PCDHA5: variants seen among roughly 807,000 people sequenced by gnomAD.
The protein encoded by PCDHA5 is protocadherin alpha 5, also known as protocadherin alpha-5.
A neutral mutation model predicts 61.6 loss-of-function variants in PCDHA5; 43 were observed. The ratio of observed to expected loss-of-function variants is 0.70; its 90% confidence interval spans 0.55 to 0.90. PCDHA5 has a LOEUF of 0.90. PCDHA5 is among the 40% of genes least tolerant of loss of function. The probability of loss-of-function intolerance (pLI) is 0.00; values close to 1 mark genes in which losing one functional copy is unlikely to be tolerated. For synonymous variants in PCDHA5, 627 were observed against 543.9 expected, an observed-to-expected ratio of 1.15 and a Z score of -2.13; for missense variants, 1,298 against 1,222.7, an observed-to-expected ratio of 1.06 and a Z score of -0.92.
At chr5:140,856,906 C>A (rs2044264701) in intron 1 of PCDHA5, 5 of 1,596,020 alleles carry the variant, frequency 3.1e-6, no homozygotes, top group Non-Finnish European at 2.6e-6. Flanking sequence ...TGGTCCCACC[C>A]ACGATAAGAA....
Position 140,925,641 on chromosome 5 carries a change from T to TATAATAATAATA in PCDHA5, c.2353-53282_2353-53271dup, listed in dbSNP as rs10569930. On this transcript the variant is annotated intron_variant, in intron 1 of 3. Coordinates refer to ENST00000529859, the MANE Select transcript of PCDHA5 (RefSeq NM_018908.3). ...TGCACATGTACCCTAGAACTTAAAG[T>TATAATAATAATA]ATAATAATAATAATAATAATAATAA... 2.2e-3 allele frequency among the ~76,000 whole-genome samples: 310 copies of TATAATAATAATA among 143,350 alleles called. 1 individual carries two copies. The highest frequency in any genetic ancestry group is 2.8e-3 in the East Asian group (14 of 4,930). 94.0% of individuals were successfully genotyped at this position (143,350 alleles called of 152,430 possible).
chr5:140,958,915 G>T (rs1162016056), intron 1 of PCDHA5, among the ~76,000 whole-genome samples: 13 of 150,674 alleles, frequency 8.6e-5, no homozygotes, highest in Non-Finnish European at 1.8e-4. Flanking sequence ...AAGTCTGCCT[G>T]GGTGTGGTGG....
intron 1 of PCDHA5, chr5:140,883,357 T>C: frequency 6.2e-7 from 1 of 1,614,094 alleles, no homozygotes; most frequent in Non-Finnish European, 8.5e-7. Context: ...GAGAAGACAC[T>C]CAGCCTAGCG....
chr5:140,848,365 A>T, intron 1 of PCDHA5: 1 of 1,070,202 alleles, frequency 9.3e-7, no homozygotes, highest in Non-Finnish European at 1.4e-6. Flanking sequence ...CATGGGAAAG[A>T]GGCTCAATTC....
chr5:140,967,733 C>A (rs1473723959), intron 1 of PCDHA5: 1 of 1,614,024 alleles, frequency 6.2e-7, no homozygotes, highest in Non-Finnish European at 8.5e-7. Flanking sequence ...AATTGGGGGG[C>A]TGGATTATGA....
chr5:140,830,141 G>A (rs1770846453), intron 1 of PCDHA5: 1 of 1,613,282 alleles, frequency 6.2e-7, no homozygotes, highest in African/African-American at 1.3e-5. Context: ...ACGGGCGTCG[G>A]TGGGCGCCGC....
At chr5:140,835,288 T>G in intron 1 of PCDHA5, 1 of 1,612,190 alleles carries the variant, frequency 6.2e-7, no homozygotes, top group Non-Finnish European at 8.5e-7. Context: ...AGTGGGGCAA[T>G]CACAGTGATA....
intron 1 of PCDHA5, among the ~76,000 whole-genome samples, chr5:140,837,617 C>A (rs1249058339): frequency 6.8e-6 from 1 of 146,230 alleles, no homozygotes; most frequent in Non-Finnish European, 1.5e-5. Flanking sequence ...TAATTTGCCC[C>A]TTCCTTCCTT....
intron 1 of PCDHA5, among the ~76,000 whole-genome samples, chr5:140,952,639 G>C (rs2094775564): frequency 6.6e-6 from 1 of 152,102 alleles, no homozygotes; most frequent in Non-Finnish European, 1.5e-5. Flanking sequence ...ATTCCAACCT[G>C]TGCCTGGTTA....
At chr5:140,929,113 A>G (rs1554206696) in intron 1 of PCDHA5, 5 of 1,614,154 alleles carry the variant, frequency 3.1e-6, no homozygotes, top group East Asian at 2.2e-5. Flanking sequence ...GACATCAGCC[A>G]CCATAGATGT....
Position 140,978,781 on chromosome 5 carries a change from A to C in PCDHA5, c.2353-168A>C, listed in dbSNP as rs4461687. ...GACCCTGATGAACTAATTTTCTTCT[A>C]AAGTGCTATATATGTAGATATCATC... On this transcript the variant is annotated intron_variant, in intron 1 of 3. Coordinates refer to ENST00000529859, the MANE Select transcript of PCDHA5 (RefSeq NM_018908.3). 2,731 of 969,880 alleles carry C rather than the reference A, an allele frequency of 2.8e-3. 24 individuals carry two copies. The East Asian group carries it at 0.042, about 15-fold the overall frequency. The allele number at this position is 969,880 out of a possible 1,614,324, so 60.1% of individuals were successfully genotyped here.
rs2150182340 is a variant in PCDHA5, at chr5:140,830,165, G to A, written c.2352+6038G>A. 43 of 1,613,446 alleles carry A rather than the reference G, an allele frequency of 2.7e-5. 1 individual carries two copies. The South Asian group carries it at 4.5e-4, about 17-fold the overall frequency. ...GGTGGGCGCCGCGGGCCCAGAGGCG[G>A]CGCTGGTGGATGTCAACGTGTACCT... On this transcript the variant is annotated intron_variant, in intron 1 of 3. Transcript: ENST00000529859.
At chr5:140,875,841 G>A in intron 1 of PCDHA5, 2 of 1,614,164 alleles carry the variant, frequency 1.2e-6, no homozygotes, top group Non-Finnish European at 1.7e-6. Flanking sequence ...ACGTGGAGGT[G>A]AAGGACATTA....
chr5:140,897,790 T>C (rs1219376194), intron 1 of PCDHA5, among the ~76,000 whole-genome samples: 378 of 152,274 alleles, frequency 2.5e-3, no homozygotes, highest in African/African-American at 8.4e-3. Flanking sequence ...GTTGAACTAG[T>C]TTAGAGTCCC....
At chr5:140,871,055 A>T (rs782721683) in intron 1 of PCDHA5, 9 of 1,613,326 alleles carry the variant, frequency 5.6e-6, no homozygotes, top group African/African-American at 2.7e-5. Context: ...GTACTGGTGA[A>T]GGATCACGGT....
chr5:140,977,712 T>C (rs2153814265), intron 1 of PCDHA5, among the ~76,000 whole-genome samples: 1 of 152,306 alleles, frequency 6.6e-6, no homozygotes, highest in South Asian at 2.1e-4. Context: ...AATATTGAGA[T>C]GGTGATCATT....
chr5:140,851,102 G>A, intron 1 of PCDHA5: 1 of 1,288,626 alleles, frequency 7.8e-7, no homozygotes, highest in Non-Finnish European at 1.0e-6. Flanking sequence ...ATATTTTTTG[G>A]GTGCTGAATC....
intron 3 of PCDHA5, among the ~76,000 whole-genome samples, chr5:140,995,650 A>T (rs1166713964): frequency 6.6e-6 from 1 of 152,182 alleles, no homozygotes; most frequent in Non-Finnish European, 1.5e-5. Context: ...GAAAAGGAGA[A>T]TCGAAAAGGG....
chr5:140,845,255 G>A (rs1205445149), intron 1 of PCDHA5, among the ~76,000 whole-genome samples: 3 of 149,266 alleles, frequency 2.0e-5, no homozygotes, highest in Non-Finnish European at 4.5e-5. Context: ...TGAATAATAT[G>A]TGTTTTCCTT....
Sources: allele counts gnomAD v4.1 joint callset (sites outside exome capture counted in the v4.1 genomes callset), GRCh38; gene constraint gnomAD v4.1.1; transcripts MANE v1.5; gene names NCBI Gene and HGNC (gene_info 2026-07-23, HGNC 2026-07-21).